Variants in PTPRT observed in about 807,000 individuals in gnomAD.
PTPRT encodes the protein receptor-type tyrosine-protein phosphatase T.
A neutral mutation model predicts 176.8 loss-of-function variants in PTPRT; 56 were observed. The observed-to-expected ratio is 0.32, with a 90% confidence interval of 0.26 to 0.40. PTPRT has a LOEUF of 0.40. Among genes scored for constraint, PTPRT ranks in the 10% least tolerant of loss-of-function variants. The probability of loss-of-function intolerance (pLI) is 1.00; values close to 1 mark genes in which losing one functional copy is unlikely to be tolerated. For missense variants in PTPRT, 1,540 were observed against 1,908.2 expected, an observed-to-expected ratio of 0.81 and a Z score of 3.60; for synonymous variants, 783 against 739.0, an observed-to-expected ratio of 1.06 and a Z score of -0.96.
At chr20:42,779,291 G>A (rs1160931964) in intron 4 of PTPRT, among the ~76,000 whole-genome samples, 1 of 152,194 alleles carries the variant, frequency 6.6e-6, no homozygotes, top group Non-Finnish European at 1.5e-5. Context: ...TGTCTCTTGA[G>A]GCAGCAGCAA....
At chr20:43,149,184 C>T (rs936111998) in intron 1 of PTPRT, among the ~76,000 whole-genome samples, 7 of 152,136 alleles carry the variant, frequency 4.6e-5, no homozygotes, top group African/African-American at 1.7e-4. Context: ...CCCAAGATCC[C>T]TTTGTGAAGA....
intron 17 of PTPRT, among the ~76,000 whole-genome samples, chr20:42,152,817 G>A (rs570572122): frequency 6.6e-6 from 1 of 152,204 alleles, no homozygotes; most frequent in Non-Finnish European, 1.5e-5. Context: ...CAGGGGCCAT[G>A]ATCATAACCT....
At chr20:42,763,368 A>T (rs980915431) in intron 5 of PTPRT, among the ~76,000 whole-genome samples, 4 of 152,248 alleles carry the variant, frequency 2.6e-5, no homozygotes, top group Non-Finnish European at 5.9e-5. Context: ...CTGGTTTTGC[A>T]CAACAGATAC....
intron 7 of PTPRT, among the ~76,000 whole-genome samples, chr20:42,568,375 T>C (rs1413682850): frequency 6.6e-6 from 1 of 152,148 alleles, no homozygotes; most frequent in Non-Finnish European, 1.5e-5. Context: ...AACGTTGGTA[T>C]TATTATCCTC....
intron 18 of PTPRT, among the ~76,000 whole-genome samples, chr20:42,135,610 A>G (rs1352774286): frequency 6.6e-6 from 1 of 152,192 alleles, no homozygotes; most frequent in Non-Finnish European, 1.5e-5. Context: ...AGAAGATCTT[A>G]CTGGAAATGG....
chr20:42,507,043 G>A (rs1360999103), intron 7 of PTPRT, among the ~76,000 whole-genome samples: 1 of 152,124 alleles, frequency 6.6e-6, no homozygotes, highest in Non-Finnish European at 1.5e-5. Context: ...TAAGTTGTGA[G>A]ACCTCATTAT....
chr20:42,223,454 T>C (rs73268862), intron 15 of PTPRT, among the ~76,000 whole-genome samples: 2,184 of 152,298 alleles, frequency 0.014, 46 homozygotes, highest in African/African-American at 0.051. Context: ...CTTCCAGGTG[T>C]TGCTTATTGT....
chr20:42,350,283 CA>C (rs1341025948), intron 11 of PTPRT, among the ~76,000 whole-genome samples: 2 of 137,016 alleles, frequency 1.5e-5, no homozygotes. Flanking sequence ...GGCTGGAGTG[CA>C]GTGGCATGAT....
intron 6 of PTPRT, among the ~76,000 whole-genome samples, chr20:42,694,040 C>CTTTTT (rs56156122): frequency 1.7e-4 from 23 of 138,422 alleles, no homozygotes; most frequent in South Asian, 4.6e-4. Flanking sequence ...ATTTTATTTT[C>CTTTTT]TTTTTTTTTT....
At chr20:42,681,483 A>T (rs1365207325) in intron 6 of PTPRT, among the ~76,000 whole-genome samples, 1 of 152,166 alleles carries the variant, frequency 6.6e-6, no homozygotes, top group African/African-American at 2.4e-5. Context: ...TGCTGGGACC[A>T]CTCATGTTGA....
intron 7 of PTPRT, among the ~76,000 whole-genome samples, chr20:42,517,334 C>T (rs1301268360): frequency 6.6e-6 from 1 of 151,836 alleles, no homozygotes; most frequent in Non-Finnish European, 1.5e-5. Context: ...TCTTTTACAT[C>T]ACTGATGCAT....
chr20:42,397,174 G>A (rs544689569), intron 9 of PTPRT, among the ~76,000 whole-genome samples: 17 of 152,284 alleles, frequency 1.1e-4, no homozygotes, highest in Middle Eastern at 3.4e-3. Context: ...CCTACGATGC[G>A]TATTCATGTG....
chr20:42,351,207 T>C (rs2058278880), intron 10 of PTPRT, among the ~76,000 whole-genome samples: 1 of 152,142 alleles, frequency 6.6e-6, no homozygotes, highest in East Asian at 1.9e-4. Context: ...AATTTAGCCA[T>C]TTGTAGTAAC....
intron 7 of PTPRT, among the ~76,000 whole-genome samples, chr20:42,572,096 G>T (rs1174695461): frequency 1.3e-5 from 2 of 152,150 alleles, no homozygotes; most frequent in African/African-American, 4.8e-5. Context: ...GCGAGGGTCT[G>T]TTCCTCATAG....
At chr20:42,142,949 G>T (rs1988695778) in intron 17 of PTPRT, among the ~76,000 whole-genome samples, 1 of 152,150 alleles carries the variant, frequency 6.6e-6, no homozygotes, top group Non-Finnish European at 1.5e-5. Context: ...AGTAGAAAGT[G>T]CTTTTCAGGC....
chr20:42,433,074 C>T (rs552556297), intron 9 of PTPRT, among the ~76,000 whole-genome samples: 2 of 152,172 alleles, frequency 1.3e-5, no homozygotes, highest in Admixed American at 6.5e-5. Context: ...GACTCTGACA[C>T]GGACATGTCT....
intron 9 of PTPRT, among the ~76,000 whole-genome samples, chr20:42,439,048 A>G (rs1277334314): frequency 6.6e-6 from 1 of 152,184 alleles, no homozygotes. Context: ...AGCTGTTGCT[A>G]CTGAAACACC....
intron 7 of PTPRT, among the ~76,000 whole-genome samples, chr20:42,665,052 G>A (rs1025224228): frequency 6.6e-6 from 1 of 152,082 alleles, no homozygotes; most frequent in Non-Finnish European, 1.5e-5. Flanking sequence ...AGGACTTCAT[G>A]TCTAAAACAC....
intron 29 of PTPRT, among the ~76,000 whole-genome samples, chr20:42,083,915 T>A (rs996494498): frequency 6.6e-6 from 1 of 152,196 alleles, no homozygotes; most frequent in African/African-American, 2.4e-5. Context: ...CACTCTATAC[T>A]CCCAGGATAG....
Sources: gnomAD v4.1 joint callset for allele counts (sites outside exome capture counted in the v4.1 genomes callset) on GRCh38, gnomAD v4.1.1 for gene constraint, MANE v1.5 for transcripts, NCBI Gene and HGNC (gene_info 2026-07-23, HGNC 2026-07-21) for gene names.